The following MAN1B1 variants were observed in gnomAD, a reference collection of about 807,000 sequenced individuals.
MAN1B1 encodes the protein mannosidase alpha class 1B member 1.
In MAN1B1, 66 loss-of-function variants were observed where a neutral mutation model predicts 75.5. The ratio of observed to expected loss-of-function variants is 0.87; its 90% CI spans 0.72 to 1.07. MAN1B1 has a LOEUF of 1.07. Ranked by LOEUF, MAN1B1 falls within the 50% of genes least tolerant of loss-of-function variation. The pLI is 0.00. For missense variants in MAN1B1, 973 were observed against 912.5 expected (o/e 1.07, Z -0.85); for synonymous variants, 453 against 382.8 (o/e 1.18, Z -2.14).
intron 3 of MAN1B1, among the ~76,000 whole-genome samples, chr9:137,091,587 C>T (rs543366190): frequency 3.6e-5 from 5 of 139,744 alleles, no homozygotes; most frequent in East Asian, 2.1e-4. Context: ...AGTGCAGTAG[C>T]GCAATCTCAG....
intron 8 of MAN1B1, chr9:137,105,338 A>G (rs1396562383): frequency 1.3e-5 from 1 of 74,592 alleles, no homozygotes. Flanking sequence ...AGCCCACACC[A>G]TCCACGTGAG....
rs1564284831 is a variant in MAN1B1 at position 137,101,560 on chromosome 9, C to T, written c.1142C>T (p.Thr381Ile). 1.2e-6 allele frequency: 2 copies of T among 1,613,896 alleles called. No homozygotes were observed. Among genetic ancestry groups the T allele is most frequent in the Non-Finnish European group, 1.7e-6 (2 of 1,180,048 alleles). ...CCTTACTCGGATGTGAACATCGGTA[C>T]TGGAGTTGCCCACCCGCCACGGTGG... is the stretch of plus-strand genomic sequence containing the variant. Reference protein sequence around the residue: ...KIPYSDVNIGTGVAHPPRWTS... With the variant: ...KIPYSDVNIGIGVAHPPRWTS... Residue 381 changes from threonine (T) to isoleucine (I), a missense_variant, in exon 8 of 13, where the codon ACT becomes ATT. Thr to Ile is a moderately conservative substitution (Grantham distance 89). Coordinates refer to ENST00000371589, the MANE Select transcript of MAN1B1 (RefSeq NM_016219.5).
Position 137,101,397 on chromosome 9 carries a change from C to A in MAN1B1, c.1066-87C>A, listed in dbSNP as rs906036693. 389 of 1,333,696 alleles carry A rather than the reference C, an allele frequency of 2.9e-4. 1 individual carries two copies. The highest frequency in any genetic ancestry group is 5.2e-5 in the Non-Finnish European group (48 of 930,688). The allele number at this position is 1,333,696 out of a possible 1,614,324, so 82.6% of individuals were successfully genotyped here. The stretch of plus-strand genomic sequence containing the variant: ...TGCTGTGTTGACCCCAGAGAGCCTT[C>A]AGTGTCTCCACTGAACTGCATGAAA... On this transcript the variant is annotated intron_variant, in intron 7 of 12. Coordinates refer to ENST00000371589, the MANE Select transcript of MAN1B1 (RefSeq NM_016219.5).
intron 3 of MAN1B1, among the ~76,000 whole-genome samples, chr9:137,092,323 G>A (rs1371540986): frequency 6.6e-6 from 1 of 151,864 alleles, no homozygotes; most frequent in Non-Finnish European, 1.5e-5. Flanking sequence ...CAGCCTGGAT[G>A]ACAGGGAGAC....
chr9:137,098,206 G>A (rs1830710081), intron 5 of MAN1B1, among the ~76,000 whole-genome samples: 1 of 152,252 alleles, frequency 6.6e-6, no homozygotes, highest in South Asian at 2.1e-4. Flanking sequence ...GGGATCCCTG[G>A]AGACTGCTGC....
rs961237917 is a variant in MAN1B1, at chr9:137,089,163, A to G, written c.465+158A>G. 3.2e-6 allele frequency: 3 copies of G among 925,882 alleles called. No homozygotes were observed. The African/African-American group carries it at 4.9e-5, about 15-fold the overall frequency. 57.4% of individuals were successfully genotyped at this position (925,882 alleles called of 1,614,324 possible). ...GGTCGGATAATACTTGGGGAAAGAGAGGCGTAGTCTTTGCTTCATTCTTTT... is the reference window on the plus strand; with the variant it reads ...GGTCGGATAATACTTGGGGAAAGAGGGGCGTAGTCTTTGCTTCATTCTTTT... On this transcript the variant is annotated intron_variant, in intron 3 of 12. Transcript: ENST00000371589.
intron 1 of MAN1B1, among the ~76,000 whole-genome samples, chr9:137,087,835 G>A (rs988021321): frequency 6.6e-6 from 1 of 152,210 alleles, no homozygotes; most frequent in East Asian, 1.9e-4. Context: ...TGCTGAGAGG[G>A]AACTTCTCCC....
In MAN1B1 at chr9:137,108,614, G is replaced by A. The variant is rs1358509090; in HGVS notation, c.*23G>A. On this transcript the variant is annotated 3_prime_UTR_variant, in exon 13 of 13. Coordinates refer to ENST00000371589, the MANE Select transcript of MAN1B1 (RefSeq NM_016219.5). ...TAGGGTGGATGGCTGCTGGTGTGGGGACTTCGGGTGGGCAGAGGCACCTTG... is the reference window on the plus strand; with the variant it reads ...TAGGGTGGATGGCTGCTGGTGTGGGAACTTCGGGTGGGCAGAGGCACCTTG... 1.1e-5 allele frequency: 18 copies of A among 1,611,078 alleles called. No individual in the cohort carries two copies. Among genetic ancestry groups the A allele is most frequent in the Non-Finnish European group, 1.5e-5 (18 of 1,177,988 alleles).
rs138926750 is a variant in MAN1B1 at position 137,097,429 on chromosome 9, C to T, written c.621-399C>T. ...GGGGAGTTTGAGTGGCCATGCGTCT[C>T]GTGTGTAGGGACAGCCCCCGTCTGT... is the stretch of plus-strand genomic sequence containing the variant. On this transcript the variant is annotated intron_variant, in intron 4 of 12. Coordinates refer to ENST00000371589, the MANE Select transcript of MAN1B1 (RefSeq NM_016219.5). Among the ~76,000 whole-genome samples the T allele has an allele frequency of 3.1e-3, 468 of 152,266 alleles. 2 individuals carry two copies. Among genetic ancestry groups the T allele is most frequent in the African/African-American group, 9.5e-3 (394 of 41,564 alleles).
intron 9 of MAN1B1, 112 bp from the exon 10 acceptor site, chr9:137,106,577 G>C: frequency 6.4e-7 from 1 of 1,555,032 alleles, no homozygotes. Context: ...CTTCTGTCCG[G>C]CAAGGGCCAG....
In MAN1B1 at chr9:137,106,310, GAC is replaced by G. The variant is rs1239539234; in HGVS notation, c.1444_1445del (p.Gln482AlafsTer24). 1.9e-6 allele frequency: 3 copies of G among 1,550,606 alleles called. No homozygotes were observed. Among genetic ancestry groups the G allele is most frequent in the Admixed American group, 2.0e-5 (1 of 51,092 alleles). Reference protein sequence around the residue: ...KQWIQGGKQETQLLEDYVEAI... With the variant: ...KQWIQGGKQEXQLLEDYVEAI... ...AGTGGATCCAGGGCGGGAAGCAGGA[GAC>G]ACAGTGAGGCCCGGCCCGCTGCCCC... On this transcript the variant is annotated frameshift_variant, in exon 9 of 13. Transcript: ENST00000371589. LOFTEE classifies it high-confidence loss of function.
chr9:137,091,325 G>T (rs1830506577), intron 3 of MAN1B1, among the ~76,000 whole-genome samples: 1 of 152,134 alleles, frequency 6.6e-6, no homozygotes, highest in Admixed American at 6.6e-5. Context: ...AGCAGCTGGG[G>T]TGGTGGATGG....
chr9:137,102,607 C>T (rs1373543810), intron 8 of MAN1B1: 2 of 430,646 alleles, frequency 4.6e-6, no homozygotes, highest in African/African-American at 2.3e-5. Flanking sequence ...CACGCTGTTG[C>T]AAGCGTGCAG....
At chr9:137,099,411 G>A (rs1190322055) in intron 5 of MAN1B1, among the ~76,000 whole-genome samples, 1 of 152,236 alleles carries the variant, frequency 6.6e-6, no homozygotes, top group African/African-American at 2.4e-5. Context: ...CTGCCCAGGC[G>A]CCAGGTGGAG....
At position 137,099,734 on chromosome 9, in the gene MAN1B1, T is replaced by G. The variant is rs781052257; in HGVS notation, c.769T>G (p.Phe257Val). 1.9e-6 allele frequency: 3 copies of G among 1,614,220 alleles called. No individual in the cohort carries two copies. The East Asian group carries it at 6.7e-5, about 36-fold the overall frequency. ...TCGCCAGAAGGGCGTGATTGACGTC[T>G]TCCTGCATGCATGGAAAGGATACCG... ...NYRQKGVIDV[F>V]LHAWKGYRKF... Residue 257 changes from phenylalanine (F) to valine (V), a missense_variant, in exon 6 of 13, where the codon TTC becomes GTC. By Grantham distance (50) the Phe-to-Val change is conservative (BLOSUM62 -1). Coordinates refer to ENST00000371589, the MANE Select transcript of MAN1B1 (RefSeq NM_016219.5).
At chr9:137,099,197 C>T (rs1201748729) in intron 5 of MAN1B1, among the ~76,000 whole-genome samples, 1 of 152,248 alleles carries the variant, frequency 6.6e-6, no homozygotes, top group Non-Finnish European at 1.5e-5. Context: ...CCGTGGAGCA[C>T]CTGAAGCCCA....
chr9:137,096,801 G>A (rs561189675), intron 4 of MAN1B1, among the ~76,000 whole-genome samples: 4 of 152,226 alleles, frequency 2.6e-5, no homozygotes, highest in South Asian at 2.1e-4. Context: ...TGCCCGGTTC[G>A]TCAAGTCCAG....
At position 137,102,468 on chromosome 9, in the gene MAN1B1, TACAC is replaced by T. The variant is rs754530100; in HGVS notation, c.1254+800_1254+803del. ...TTGCAGGCGTGCAGGTCGGTGGTGTTACACACATTCATTCTGTTGCAGGCGTGCA... is the reference window on the plus strand; with the variant it reads ...TTGCAGGCGTGCAGGTCGGTGGTGTTACATTCATTCTGTTGCAGGCGTGCA... On this transcript the variant is annotated intron_variant, in intron 8 of 12. Transcript: ENST00000371589. 2,021 of 421,352 alleles carry T rather than the reference TACAC, an allele frequency of 4.8e-3. 17 individuals are homozygous for T. Among genetic ancestry groups the T allele is most frequent in the Non-Finnish European group, 6.2e-3 (1,327 of 214,260 alleles). 26.1% of individuals were successfully genotyped at this position (421,352 alleles called of 1,614,324 possible). A position where few individuals can be genotyped will look rare whatever the true frequency, so the allele number is the denominator to read the frequency against.
intron 5 of MAN1B1, among the ~76,000 whole-genome samples, chr9:137,099,114 G>A (rs1189213265): frequency 6.6e-6 from 1 of 152,206 alleles, no homozygotes; most frequent in African/African-American, 2.4e-5. Context: ...ACAGGCGGGA[G>A]CCACCGTGCC....
Sources: allele counts gnomAD v4.1 joint callset (sites outside exome capture counted in the v4.1 genomes callset), GRCh38; gene constraint gnomAD v4.1.1; transcripts MANE v1.5; gene names NCBI Gene and HGNC (gene_info 2026-07-23, HGNC 2026-07-21).